The following DOCK10 variants were observed in gnomAD, a reference collection of about 807,000 sequenced individuals.
DOCK10 encodes the protein dedicator of cytokinesis 10, also known as dedicator of cytokinesis protein 10.
Under a neutral mutation model 280.1 loss-of-function variants are expected in DOCK10, and 145 were observed. That is an observed-to-expected ratio of 0.52 (90% CI 0.45 to 0.59). DOCK10 has a LOEUF of 0.59. DOCK10 is among the 20% of genes least tolerant of loss of function. The pLI, the probability that DOCK10 is intolerant of heterozygous loss-of-function variation, is 0.00. For missense variants in DOCK10, 2,368 were observed against 2,651.7 expected (o/e 0.89, Z 2.35); for synonymous variants, 915 against 942.2 (o/e 0.97, Z 0.53).
At position 224,787,152 on chromosome 2, in the gene DOCK10, AAG is replaced by A. The variant is rs767581584; in HGVS notation, c.5542-19_5542-18del. ...TGACAATTTCTGAAACCATAAGTGA[AAG>A]AGTTTCATGAAGATGATGCTGTCAT... On this transcript the variant is annotated intron_variant, in intron 49 of 55. Coordinates refer to ENST00000258390, the MANE Select transcript of DOCK10 (RefSeq NM_014689.3). The A allele has an allele frequency of 1.2e-6, 2 of 1,609,724 alleles. No individual in the cohort carries two copies. The highest frequency in any genetic ancestry group is 3.3e-5 in the Admixed American group (2 of 59,996).
At chr2:224,822,387 A>G (rs1694558937) in intron 28 of DOCK10, among the ~76,000 whole-genome samples, 1 of 152,148 alleles carries the variant, frequency 6.6e-6, no homozygotes, top group Admixed American at 6.5e-5. Context: ...GCTACTCAAT[A>G]CTTTACTTGA....
chr2:224,806,269 A>C, intron 33 of DOCK10, 32 bp from the exon 34 acceptor site: 1 of 1,291,732 alleles, frequency 7.7e-7, no homozygotes, highest in Non-Finnish European at 1.1e-6. Context: ...GATTAATGGG[A>C]ATCATGGCAT....
At chr2:224,958,212 T>G (rs148801186) in intron 1 of DOCK10, among the ~76,000 whole-genome samples, 237 of 152,322 alleles carry the variant, frequency 1.6e-3, no homozygotes, top group Middle Eastern at 6.8e-3. Flanking sequence ...CAGTTGTAAG[T>G]TGGATTATAA....
intron 7 of DOCK10, among the ~76,000 whole-genome samples, chr2:224,877,674 T>G (rs927551323): frequency 6.6e-6 from 1 of 152,254 alleles, no homozygotes; most frequent in Non-Finnish European, 1.5e-5. Context: ...AGAAGATCTC[T>G]GATTTGAAAT....
At chr2:224,888,879 T>C (rs1699493739) in intron 4 of DOCK10, among the ~76,000 whole-genome samples, 1 of 152,100 alleles carries the variant, frequency 6.6e-6, no homozygotes, top group Non-Finnish European at 1.5e-5. Flanking sequence ...TGTGTGTATG[T>C]ATATATTAAT....
intron 2 of DOCK10, among the ~76,000 whole-genome samples, chr2:224,918,970 G>C (rs1701515714): frequency 6.9e-6 from 1 of 144,162 alleles, no homozygotes; most frequent in Non-Finnish European, 1.5e-5. Flanking sequence ...GTGTGTATGT[G>C]TGGTGTGTGT....
intron 40 of DOCK10, among the ~76,000 whole-genome samples, 174 bp downstream of exon 40, chr2:224,801,742 C>T (rs546694423): frequency 6.6e-6 from 1 of 152,248 alleles, no homozygotes; most frequent in East Asian, 1.9e-4. Flanking sequence ...CCCCTTTCTT[C>T]ACCATAGGGC....
intron 1 of DOCK10, among the ~76,000 whole-genome samples, chr2:224,939,758 GTGT>G (rs1280049307): frequency 6.6e-6 from 1 of 152,202 alleles, no homozygotes; most frequent in Non-Finnish European, 1.5e-5. Flanking sequence ...CACAGGTCAA[GTGT>G]TGTACACGCA....
intron 1 of DOCK10, among the ~76,000 whole-genome samples, chr2:224,969,521 A>G (rs1704964734): frequency 6.6e-6 from 1 of 152,168 alleles, no homozygotes; most frequent in South Asian, 2.1e-4. Flanking sequence ...AGGGCTGTTC[A>G]CTGGTTCATT....
At chr2:224,823,050 T>C (rs1031656116) in intron 28 of DOCK10, among the ~76,000 whole-genome samples, 6 of 150,378 alleles carry the variant, frequency 4.0e-5, no homozygotes, top group South Asian at 2.1e-4. Flanking sequence ...TGCAGTGGTG[T>C]GATCTCGGCT....
chr2:224,783,310 T>A (rs1234399669), intron 50 of DOCK10, among the ~76,000 whole-genome samples: 1 of 151,342 alleles, frequency 6.6e-6, no homozygotes, highest in Non-Finnish European at 1.5e-5. Context: ...AGTCTCACTC[T>A]GTCTCCCAGG....
At position 225,042,339 on chromosome 2, in the gene DOCK10, G is replaced by T; in HGVS notation, c.36C>A (p.Ser12Arg). 1 of 1,324,016 alleles carries T rather than the reference G, an allele frequency of 7.6e-7. No individual in the cohort carries two copies. Among genetic ancestry groups the T allele is most frequent in the Non-Finnish European group, 9.7e-7 (1 of 1,034,646 alleles). The allele number at this position is 1,324,016 out of a possible 1,614,324, so 82.0% of individuals were successfully genotyped here. A position where few individuals can be genotyped will look rare whatever the true frequency, so the allele number is the denominator to read the frequency against. ...CGGCCGCCTGCCCAGGTCTCAACAG[G>T]CTCCGGGTGAACCTGCGGGTCCGCT... is the stretch of plus-strand genomic sequence containing the variant. The part of the protein sequence containing the change: ...AGERTRRFTR[S>R]LLRPGQAAEL... Residue 12 changes from serine to arginine, a missense_variant, in exon 1 of 56, where the codon AGC (serine) becomes AGA (arginine). Physicochemically the swap from Ser to Arg is moderately radical, Grantham distance 110. Coordinates refer to ENST00000258390, the MANE Select transcript of DOCK10 (RefSeq NM_014689.3). The surrounding 1 kb of genome is among the most constrained non-coding windows in gnomAD (Gnocchi z 5.1).
intron 55 of DOCK10, among the ~76,000 whole-genome samples, chr2:224,768,703 T>C (rs1305164892): frequency 5.3e-5 from 8 of 152,092 alleles, no homozygotes; most frequent in Non-Finnish European, 1.2e-4. Context: ...ATGAGGCTTT[T>C]CCCCCCATTG....
intron 19 of DOCK10, among the ~76,000 whole-genome samples, chr2:224,849,273 C>G (rs935077616): frequency 6.6e-6 from 1 of 152,224 alleles, no homozygotes; most frequent in Non-Finnish European, 1.5e-5. Flanking sequence ...TATACCCGGC[C>G]AGCATTCCAT....
Position 225,014,081 on chromosome 2 carries a change from A to ATATATATATATATTTTT in DOCK10, c.123+28170_123+28171insAAAAATATATATATATA, listed in dbSNP as rs776104946. Among the ~76,000 whole-genome samples the ATATATATATATATTTTT allele has an allele frequency of 2.2e-4, 21 of 96,816 alleles. No homozygotes were observed. The South Asian group carries it at 7.1e-3, about 33-fold the overall frequency. The allele number at this position is 96,816 out of a possible 152,430, so 63.5% of individuals were successfully genotyped here. On this transcript the variant is annotated intron_variant, in intron 1 of 55. Coordinates refer to ENST00000258390, the MANE Select transcript of DOCK10 (RefSeq NM_014689.3). ...AAAAAATCCCCAGAAGTCTGAATAT[A>ATATATATATATATTTTT]TTGTTTTTTTTTTTTTGTTTTTTTT...
In DOCK10 at chr2:224,982,402, T is replaced by C. The variant is rs545182735; in HGVS notation, c.124-50734A>G. 5.7e-5 allele frequency: 70 copies of C among 1,231,584 alleles called. No individual in the cohort carries two copies. The African/African-American group carries it at 1.0e-3, about 18-fold the overall frequency. 76.3% of individuals were successfully genotyped at this position (1,231,584 alleles called of 1,614,324 possible). A position where few individuals can be genotyped will look rare whatever the true frequency, so the allele number is the denominator to read the frequency against. On this transcript the variant is annotated intron_variant, in intron 1 of 55. Transcript: ENST00000258390. ...CCTGGAGCCTACAAAATAACTTCTA[T>C]GTTGATGCTATGTTTGCAAAACAGT...
intron 30 of DOCK10, among the ~76,000 whole-genome samples, chr2:224,816,246 T>G (rs1379146460): frequency 1.3e-5 from 2 of 149,326 alleles, no homozygotes; most frequent in Non-Finnish European, 1.5e-5. Context: ...ATTATATATA[T>G]AGTACTTTTC....
Position 224,844,768 on chromosome 2 carries a change from T to C in DOCK10, c.2553A>G (p.Ser851=). The C allele has an allele frequency of 1.9e-6, 3 of 1,597,470 alleles. No individual in the cohort carries two copies. Among genetic ancestry groups the C allele is most frequent in the Non-Finnish European group, 2.6e-6 (3 of 1,170,782 alleles). The part of the protein sequence containing the change: ...PLFKVSTFVV[S]TVNTQDPHVN... ...ACATACTCACCTGAGTATTTACTGT[T>C]GATACAACAAATGTCGACACTTTGA... The change falls in exon 22 of 56, where the codon TCA becomes TCG. Residue 851 remains serine (S), a synonymous_variant. Transcript: ENST00000258390.
chr2:224,807,705 T>C lies in DOCK10; in HGVS notation c.3665A>G (p.Lys1222Arg), dbSNP rs1363516773. The C allele has an allele frequency of 6.4e-7, 1 of 1,571,582 alleles. No individual in the cohort carries two copies. The highest frequency in any genetic ancestry group is 1.2e-5 in the South Asian group (1 of 85,724). Reference sequence around the variant, plus strand: ...ATTGACAGTAAAAGGATACAGGTCCTTCAGATAAATCCTTGGCATATTGTC... The same window carrying C: ...ATTGACAGTAAAAGGATACAGGTCCCTCAGATAAATCCTTGGCATATTGTC... ...LLDNMPRIYL[K>R]DLYPFTVNTS... is the part of the protein sequence containing the mutation. The change falls in exon 33 of 56, where the codon AAG (lysine) becomes AGG (arginine). Residue 1222 changes from lysine to arginine, a missense_variant. By Grantham distance (26) the Lys-to-Arg change is conservative (BLOSUM62 2). Transcript: ENST00000258390.
Sources: gnomAD v4.1 joint callset for allele counts (sites outside exome capture counted in the v4.1 genomes callset) on GRCh38, gnomAD v4.1.1 for gene constraint, Gnocchi (gnomAD v3.1) non-coding constraint, MANE v1.5 for transcripts, NCBI Gene and HGNC (gene_info 2026-07-23, HGNC 2026-07-21) for gene names.